Variants in NTRK3 observed in about 807,000 individuals in gnomAD.
NTRK3 encodes the protein neurotrophic receptor tyrosine kinase 3, also known as NT-3 growth factor receptor.
NTRK3 carries 24 observed loss-of-function variants against 91.7 expected under a neutral mutation model. The ratio of observed to expected loss-of-function variants is 0.26; its 90% CI spans 0.19 to 0.37. The LOEUF (loss-of-function observed/expected upper bound fraction) is 0.37. Ranked by LOEUF, NTRK3 falls within the 10% of genes least tolerant of loss-of-function variation. NTRK3 has a pLI of 1.00. For synonymous variants in NTRK3, 483 were observed against 404.0 expected, an observed-to-expected ratio of 1.20 and a Z score of -2.34; for missense variants, 880 against 1,068.9, an observed-to-expected ratio of 0.82 and a Z score of 2.46.
At position 88,235,369 on chromosome 15, in the gene NTRK3, C is replaced by T. The variant is rs7176520; in HGVS notation, c.248+20537G>A. On this transcript the variant is annotated intron_variant, in intron 3 of 18. Coordinates refer to ENST00000394480, the Ensembl canonical transcript of NTRK3. The surrounding 1 kb of genome is among the most constrained non-coding windows in gnomAD (Gnocchi z 5.2). The stretch of plus-strand genomic sequence containing the variant: ...TGGACCCACGCAGTCAGTACCCTGC[C>T]GCAGACAGTGGACACTCACTGGTCT... Among the ~76,000 whole-genome samples, 68,281 of 151,984 alleles carry T rather than the reference C, an allele frequency of 0.45. 16,832 individuals are homozygous for T. Among genetic ancestry groups the T allele is most frequent in the Middle Eastern group, 0.56 (164 of 294 alleles).
intron 3 of NTRK3, among the ~76,000 whole-genome samples, chr15:88,231,556 A>G (rs147745868): frequency 1.6e-3 from 248 of 152,318 alleles, no homozygotes; most frequent in African/African-American, 5.5e-3. Flanking sequence ...GCACCCAGGA[A>G]AAATGAGAAG....
In NTRK3 at chr15:87,910,217, C is replaced by T. The variant is rs776455432; in HGVS notation, c.2133+18974G>A. The stretch of plus-strand genomic sequence containing the variant: ...AAAACACAGGAGGGATGAGGAAGTT[C>T]GAGGAGCCCTGGGGGAAGAGCTCCA... On this transcript the variant is annotated intron_variant, in intron 17 of 18. Coordinates refer to ENST00000394480, the Ensembl canonical transcript of NTRK3. Among the ~76,000 whole-genome samples the T allele has an allele frequency of 5.3e-4, 81 of 152,262 alleles. No individual in the cohort carries two copies. The Middle Eastern group carries it at 0.017, about 32-fold the overall frequency.
At chr15:87,918,397 T>G (rs991742524) in intron 17 of NTRK3, among the ~76,000 whole-genome samples, 22 of 152,210 alleles carry the variant, frequency 1.4e-4, no homozygotes, top group African/African-American at 4.1e-4. Context: ...CCATGCATCT[T>G]CCATAGATCC....
At chr15:87,897,386 T>A (rs2066190066) in intron 17 of NTRK3, among the ~76,000 whole-genome samples, 1 of 152,238 alleles carries the variant, frequency 6.6e-6, no homozygotes, top group African/African-American at 2.4e-5. Flanking sequence ...AGCAGACATT[T>A]CAACTCCAAA....
At chr15:87,904,536 G>A (rs764748694) in intron 17 of NTRK3, among the ~76,000 whole-genome samples, 9 of 152,092 alleles carry the variant, frequency 5.9e-5, no homozygotes, top group South Asian at 2.1e-4. Context: ...AAATCCCGGC[G>A]TACTGCTGTA....
intron 13 of NTRK3, among the ~76,000 whole-genome samples, chr15:88,047,153 C>T (rs2080292261): frequency 1.3e-5 from 2 of 152,158 alleles, no homozygotes; most frequent in South Asian, 4.2e-4. Flanking sequence ...ATCCCATGTG[C>T]ACTCCCTGAA....
intron 13 of NTRK3, among the ~76,000 whole-genome samples, chr15:88,044,210 T>G (rs1294579953): frequency 6.6e-6 from 1 of 150,852 alleles, no homozygotes. Context: ...ACACAGCTAG[T>G]AGGTAGCAGT....
intron 14 of NTRK3, among the ~76,000 whole-genome samples, chr15:87,987,412 T>C (rs1417643823): frequency 6.6e-6 from 1 of 152,108 alleles, no homozygotes; most frequent in Non-Finnish European, 1.5e-5. Flanking sequence ...TCAATAAGGG[T>C]TTCCCCAATT....
At chr15:87,864,715 C>A (rs922516855) in exon 19 of NTRK3, 1 of 228,442 alleles carries the variant, frequency 4.4e-6, no homozygotes, top group Admixed American at 5.7e-5. Flanking sequence ...GTGAAAAATG[C>A]TAATGGCAAA....
chr15:88,178,378 T>C (rs550310206), intron 5 of NTRK3, among the ~76,000 whole-genome samples: 1 of 152,272 alleles, frequency 6.6e-6, no homozygotes, highest in Non-Finnish European at 1.5e-5. Flanking sequence ...CCTGAAAGGG[T>C]AGGGATCCTA....
chr15:87,969,265 G>C (rs141847015), intron 14 of NTRK3, among the ~76,000 whole-genome samples: 27 of 152,320 alleles, frequency 1.8e-4, no homozygotes, highest in African/African-American at 6.5e-4. Context: ...GCACAGGCTG[G>C]AAACACCCAC....
chr15:88,019,603 T>C (rs2077468079), intron 14 of NTRK3, among the ~76,000 whole-genome samples: 1 of 152,204 alleles, frequency 6.6e-6, no homozygotes, highest in Admixed American at 6.5e-5. Context: ...GGGAAAAGCT[T>C]TCTCAGTTTC....
chr15:87,936,537 C>T (rs563794687), intron 15 of NTRK3, among the ~76,000 whole-genome samples: 7 of 138,308 alleles, frequency 5.1e-5, no homozygotes, highest in African/African-American at 1.8e-4. Context: ...CTCCATCTTA[C>T]TTTCTTTTTT....
intron 14 of NTRK3, among the ~76,000 whole-genome samples, chr15:88,014,982 A>G (rs986559105): frequency 7.2e-5 from 11 of 152,378 alleles, no homozygotes; most frequent in African/African-American, 2.4e-4. Context: ...TAAATAAATC[A>G]GAGGGAGTGG....
intron 13 of NTRK3, among the ~76,000 whole-genome samples, chr15:88,100,949 G>T (rs557753447): frequency 5.2e-4 from 79 of 152,288 alleles, no homozygotes; most frequent in Non-Finnish European, 1.3e-4. Flanking sequence ...TCAGGACATA[G>T]GCACGGGCAA....
intron 13 of NTRK3, among the ~76,000 whole-genome samples, chr15:88,048,447 G>A (rs1013268050): frequency 6.6e-6 from 1 of 152,190 alleles, no homozygotes; most frequent in Non-Finnish European, 1.5e-5. Context: ...GACTATCTTT[G>A]AGCCCCATCA....
exon 19 of NTRK3, chr15:87,869,892 A>T: frequency 5.2e-6 from 1 of 190,906 alleles, no homozygotes; most frequent in Non-Finnish European, 1.1e-5. Flanking sequence ...ATTAGTTTTT[A>T]AAAATAATAT....
intron 3 of NTRK3, among the ~76,000 whole-genome samples, chr15:88,186,105 C>G (rs940888078): frequency 6.6e-6 from 1 of 152,170 alleles, no homozygotes; most frequent in Admixed American, 6.5e-5. Context: ...TCTGTGCCAC[C>G]AGGTCCCCCA....
At chr15:87,901,449 G>A (rs1186579523) in intron 17 of NTRK3, among the ~76,000 whole-genome samples, 2 of 152,208 alleles carry the variant, frequency 1.3e-5, no homozygotes, top group Non-Finnish European at 2.9e-5. Flanking sequence ...AAGCCAGGCT[G>A]AGTGCTGGGG....
Sources: allele counts gnomAD v4.1 joint callset (sites outside exome capture counted in the v4.1 genomes callset), GRCh38; gene constraint gnomAD v4.1.1; non-coding constraint Gnocchi (gnomAD v3.1); transcripts MANE v1.5; gene names NCBI Gene and HGNC (gene_info 2026-07-23, HGNC 2026-07-21).